TTC6: variants seen among roughly 807,000 people sequenced by gnomAD.
TTC6 encodes tetratricopeptide repeat protein 6.
In TTC6, 172 loss-of-function variants were observed where a neutral mutation model predicts 210.4. The observed-to-expected ratio is 0.82, with a 90% CI of 0.72 to 0.93. The LOEUF (loss-of-function observed/expected upper bound fraction) is 0.93, where lower values mean the gene tolerates loss of function less well. Ranked by LOEUF, TTC6 falls within the 40% of genes least tolerant of loss-of-function variation. The probability of loss-of-function intolerance (pLI) is 0.00; values close to 1 mark genes in which losing one functional copy is unlikely to be tolerated. For synonymous variants in TTC6, 804 were observed against 819.6 expected, an observed-to-expected ratio of 0.98 and a Z score of 0.32; for missense variants, 2,414 against 2,318.1, an observed-to-expected ratio of 1.04 and a Z score of -0.85.
At chr14:37,836,719 C>T (rs2096198762) in intron 29 of TTC6, among the ~76,000 whole-genome samples, 1 of 152,072 alleles carries the variant, frequency 6.6e-6, no homozygotes, top group Non-Finnish European at 1.5e-5. Flanking sequence ...ATGCTTTGAG[C>T]CTCCTTCGTA....
Position 37,628,125 on chromosome 14 carries a change from C to T in TTC6, c.939+5122C>T, listed in dbSNP as rs1021696914. ...AGCTGGAATTGCAGGCATGTCCCAC[C>T]ACGCCTGGCTAACTTTGTATTTTTA... On this transcript the variant is annotated intron_variant, in intron 1 of 30. Coordinates refer to ENST00000553443, the Ensembl canonical transcript of TTC6. 5.3e-5 allele frequency among the ~76,000 whole-genome samples: 8 copies of T among 152,296 alleles called. No individual in the cohort carries two copies. The South Asian group carries it at 1.7e-3, about 32-fold the overall frequency.
intron 1 of TTC6, among the ~76,000 whole-genome samples, chr14:37,597,403 T>C (rs993557539): frequency 6.6e-6 from 1 of 152,108 alleles, no homozygotes; most frequent in African/African-American, 2.4e-5. Context: ...TAACAATTTA[T>C]GGATAGTAAT....
intron 20 of TTC6, among the ~76,000 whole-genome samples, chr14:37,798,995 T>A (rs1490606775): frequency 6.6e-6 from 1 of 152,134 alleles, no homozygotes; most frequent in Non-Finnish European, 1.5e-5. Context: ...CTTGTGAGGA[T>A]CTTTGTGTCT....
chr14:37,610,255 C>G (rs1483252275), intron 2 of TTC6, among the ~76,000 whole-genome samples: 1 of 152,204 alleles, frequency 6.6e-6, no homozygotes, highest in South Asian at 2.1e-4. Context: ...CTGTGGAGCA[C>G]GAGACTTTTA....
At chr14:37,657,479 C>T (rs961507069) in intron 1 of TTC6, among the ~76,000 whole-genome samples, 1 of 151,942 alleles carries the variant, frequency 6.6e-6, no homozygotes. Context: ...AAAGCATAAA[C>T]GAGGACGCCG....
chr14:37,641,021 G>A (rs763182824), intron 1 of TTC6, among the ~76,000 whole-genome samples: 31 of 151,918 alleles, frequency 2.0e-4, no homozygotes, highest in Non-Finnish European at 4.0e-4. Context: ...TTGTGATACC[G>A]TCAAGTCATG....
intron 14 of TTC6, among the ~76,000 whole-genome samples, chr14:37,768,475 A>C (rs548826589): frequency 9.9e-4 from 151 of 152,018 alleles, no homozygotes; most frequent in African/African-American, 3.5e-3. Flanking sequence ...CTTTTATTTC[A>C]TTGAGCAGTG....
At chr14:37,637,923 G>T (rs2095684186) in intron 1 of TTC6, among the ~76,000 whole-genome samples, 1 of 152,142 alleles carries the variant, frequency 6.6e-6, no homozygotes, top group South Asian at 2.1e-4. Context: ...AAACAGTTTG[G>T]CAGTTTCTTA....
intron 4 of TTC6, among the ~76,000 whole-genome samples, chr14:37,699,191 A>T (rs1035792136): frequency 6.6e-6 from 1 of 152,214 alleles, no homozygotes; most frequent in African/African-American, 2.4e-5. Context: ...GAATATTTAG[A>T]CATGGACAAA....
At chr14:37,664,004 G>T (rs2095742936) in intron 1 of TTC6, among the ~76,000 whole-genome samples, 1 of 136,666 alleles carries the variant, frequency 7.3e-6, no homozygotes, top group African/African-American at 2.5e-5. Context: ...AATCAGAGAT[G>T]ACCCAAACAA....
intron 4 of TTC6, among the ~76,000 whole-genome samples, chr14:37,697,916 C>A (rs2095817792): frequency 6.6e-6 from 1 of 152,086 alleles, no homozygotes; most frequent in African/African-American, 2.4e-5. Context: ...GAGTCAGAGT[C>A]TTTTCTTTTT....
chr14:37,807,534 C>T (rs2096121284), intron 23 of TTC6, 74 bp downstream of exon 25: 2 of 1,297,444 alleles, frequency 1.5e-6, no homozygotes, highest in Admixed American at 5.0e-5. Flanking sequence ...AGGGGACTCA[C>T]TTACTTTTTT....
At chr14:37,723,213 A>G (rs564978565) in intron 6 of TTC6, among the ~76,000 whole-genome samples, 1 of 152,084 alleles carries the variant, frequency 6.6e-6, no homozygotes, top group African/African-American at 2.4e-5. Flanking sequence ...CATCTTGCAT[A>G]TTTCCTGCCC....
chr14:37,745,136 CCTAAA>C (rs1403833985), intron 10 of TTC6, among the ~76,000 whole-genome samples: 6 of 152,040 alleles, frequency 3.9e-5, no homozygotes, highest in African/African-American at 1.4e-4. Context: ...ATCAGATTCT[CCTAAA>C]CTAGGGAAAT....
In TTC6 at chr14:37,598,039, G is replaced by GCATA. The variant is rs1459480665; in HGVS notation, c.-235+2044_-235+2047dup. On this transcript the variant is annotated intron_variant, in intron 1 of 2. Transcript: ENST00000556845. This position sits in a 1 kb window ranked among gnomAD's most constrained non-coding sequence, Gnocchi z 4.9. ...CGTGTTGGGTCTTTGACTTGGAAAT[G>GCATA]CATACATACATACATAAAGTAATGC... Among the ~76,000 whole-genome samples, 10 of 152,314 alleles carry GCATA rather than the reference G, an allele frequency of 6.6e-5. No individual in the cohort carries two copies. In the East Asian group the frequency reaches 1.4e-3, roughly 21 times the overall value.
At chr14:37,749,501 T>A in intron 11 of TTC6, 100 bp downstream of exon 13, 1 of 1,242,960 alleles carries the variant, frequency 8.0e-7, no homozygotes, top group Non-Finnish European at 1.0e-6. Flanking sequence ...ATGTTTATAG[T>A]ATAGCATGTG....
At chr14:37,648,864 T>A (rs2095706257) in intron 1 of TTC6, among the ~76,000 whole-genome samples, 1 of 152,194 alleles carries the variant, frequency 6.6e-6, no homozygotes, top group Non-Finnish European at 1.5e-5. Context: ...AGATTATTTC[T>A]TGTTATTCTG....
At chr14:37,662,794 A>G (rs1361124304) in intron 1 of TTC6, among the ~76,000 whole-genome samples, 5 of 152,066 alleles carry the variant, frequency 3.3e-5, no homozygotes, top group African/African-American at 1.2e-4. Context: ...AGTACTATGC[A>G]GTTTTGTTTA....
chr14:37,604,474 G>T (rs1445243524), intron 1 of TTC6, among the ~76,000 whole-genome samples: 1 of 152,128 alleles, frequency 6.6e-6, no homozygotes, highest in Non-Finnish European at 1.5e-5. Context: ...GCGAGAGAGG[G>T]AGGATGCCTC....
Sources: gnomAD v4.1 joint callset for allele counts (sites outside exome capture counted in the v4.1 genomes callset) on GRCh38, gnomAD v4.1.1 for gene constraint, Gnocchi (gnomAD v3.1) non-coding constraint, MANE v1.5 for transcripts, NCBI Gene and HGNC (gene_info 2026-07-23, HGNC 2026-07-21) for gene names.